ACAD10: variants seen among roughly 807,000 people sequenced by gnomAD.
ACAD10 encodes the protein ACAD-10.
ACAD10 carries 112 observed loss-of-function variants against 116.8 expected under a neutral mutation model. That is an observed-to-expected ratio of 0.96 (90% CI 0.82 to 1.12). ACAD10 has a LOEUF of 1.12. Among genes scored for constraint, ACAD10 ranks in the 50% most tolerant of loss-of-function variants. The probability of loss-of-function intolerance (pLI) is 0.00; values close to 1 mark genes in which losing one functional copy is unlikely to be tolerated. For synonymous variants in ACAD10, 486 were observed against 510.6 expected, an observed-to-expected ratio of 0.95 and a Z score of 0.65; for missense variants, 1,259 against 1,350.2, an observed-to-expected ratio of 0.93 and a Z score of 1.06.
rs773702363 is a variant in ACAD10, at chr12:111,736,895, C to G, written c.1605C>G (p.Tyr535Ter). The G allele has an allele frequency of 6.2e-6, 10 of 1,614,056 alleles. No individual in the cohort carries two copies. In the Admixed American group the frequency reaches 8.3e-5, roughly 13 times the overall value. Residue 535 changes from tyrosine to a stop codon, truncating the protein, a stop_gained, in exon 12 of 21, where the codon TAC (tyrosine) becomes TAG (stop). Coordinates refer to ENST00000313698, the MANE Select transcript of ACAD10 (RefSeq NM_025247.6). LOFTEE classifies it high-confidence loss of function. Reference protein sequence around the residue: ...IPAAEEYFRMYCLQMGLPPTE... With the variant: ...IPAAEEYFRM The stretch of plus-strand genomic sequence containing the variant: ...CTGCAGAGGAGTATTTCAGGATGTA[C>G]TGTCTCCAAATGGGGCTCCCTCCCA...
chr12:111,727,919 A>T, intron 8 of ACAD10, 43 bp from the exon 9 acceptor site: 1 of 1,560,306 alleles, frequency 6.4e-7, no homozygotes, highest in Non-Finnish European at 8.7e-7. Flanking sequence ...AGCCTGCCAC[A>T]TTATGACTCT....
intron 10 of ACAD10, 150 bp downstream of exon 10, chr12:111,730,106 A>C: frequency 7.7e-6 from 9 of 1,169,070 alleles, no homozygotes; most frequent in Non-Finnish European, 1.1e-5. Context: ...AGGGTTTCTC[A>C]GCTCTGGCAC....
At chr12:111,706,740 C>T (rs1314630624) in intron 4 of ACAD10, among the ~76,000 whole-genome samples, 1 of 147,908 alleles carries the variant, frequency 6.8e-6, no homozygotes, top group Non-Finnish European at 1.5e-5. Flanking sequence ...TATGAGCCAC[C>T]GTGCCTGGCC....
At chr12:111,727,768 C>CATTG (rs1473613642) in intron 8 of ACAD10, among the ~76,000 whole-genome samples, 194 bp from the exon 9 acceptor site, 1 of 151,964 alleles carries the variant, frequency 6.6e-6, no homozygotes, top group Admixed American at 6.6e-5. Context: ...TGGATCGATC[C>CATTG]ATTGCAAGAG....
chr12:111,709,045 C>CAA (rs201551045), intron 4 of ACAD10, among the ~76,000 whole-genome samples: 4 of 126,328 alleles, frequency 3.2e-5, no homozygotes, highest in East Asian at 2.2e-4. Context: ...CTTCTTTCTG[C>CAA]AAAAAAAAAA....
At chr12:111,753,688 C>G in intron 18 of ACAD10, 84 bp from the exon 19 acceptor site, 2 of 1,590,294 alleles carry the variant, frequency 1.3e-6, no homozygotes, top group Non-Finnish European at 1.7e-6. Context: ...TGCTTCCACC[C>G]AGCTCTGCAG....
chr12:111,753,165 A>G, intron 18 of ACAD10: 1 of 201,442 alleles, frequency 5.0e-6, no homozygotes, highest in Non-Finnish European at 1.0e-5. Context: ...TAAAAAAAAG[A>G]AGGAAAAAGA....
intron 12 of ACAD10, among the ~76,000 whole-genome samples, chr12:111,741,590 C>T (rs1889744043): frequency 6.6e-6 from 1 of 152,190 alleles, no homozygotes; most frequent in African/African-American, 2.4e-5. Flanking sequence ...CTTTATTCCT[C>T]TTATCTTACT....
intron 9 of ACAD10, 146 bp from the exon 10 acceptor site, chr12:111,729,660 A>C: frequency 2.1e-6 from 2 of 953,710 alleles, no homozygotes; most frequent in South Asian, 3.6e-5. Context: ...TCATGTGGGA[A>C]ATTCTCCAGT....
At chr12:111,755,390 A>C (rs7971799) in intron 19 of ACAD10, among the ~76,000 whole-genome samples, 2,334 of 151,994 alleles carry the variant, frequency 0.015, 70 homozygotes, top group African/African-American at 0.053. Context: ...ACAGGCCTGA[A>C]CCACCGCGCC....
At chr12:111,747,232 C>T (rs375978316) in intron 15 of ACAD10, 46 bp downstream of exon 15, 108 of 1,609,584 alleles carry the variant, frequency 6.7e-5, no homozygotes, top group South Asian at 1.1e-4. Context: ...CTGTTGTTGT[C>T]GGCCCCACAG....
At chr12:111,727,909 A>T in intron 8 of ACAD10, 53 bp from the exon 9 acceptor site, 2 of 1,532,976 alleles carry the variant, frequency 1.3e-6, no homozygotes, top group Non-Finnish European at 1.8e-6. Context: ...CATGACTAAC[A>T]GCCTGCCACA....
chr12:111,712,794 G>A, intron 6 of ACAD10, 137 bp downstream of exon 6: 1 of 969,580 alleles, frequency 1.0e-6, no homozygotes. Context: ...TGGGCCTGGT[G>A]CATCGGAGCA....
chr12:111,743,373 T>G (rs1228461082), intron 12 of ACAD10, among the ~76,000 whole-genome samples: 6 of 151,700 alleles, frequency 4.0e-5, no homozygotes, highest in African/African-American at 1.5e-4. Flanking sequence ...TATTCTGTTT[T>G]TTTTTTTTTT....
chr12:111,737,841 GGT>G lies in ACAD10; in HGVS notation c.1714+864_1714+865del, dbSNP rs150399090. 1.9e-3 allele frequency among the ~76,000 whole-genome samples: 274 copies of G among 145,330 alleles called. 1 individual carries two copies. The highest frequency in any genetic ancestry group is 0.015 in the East Asian group (75 of 5,000). On this transcript the variant is annotated intron_variant, in intron 12 of 20. Coordinates refer to ENST00000313698, the MANE Select transcript of ACAD10 (RefSeq NM_025247.6). The stretch of plus-strand genomic sequence containing the variant: ...AACAACTATATGAGGCAAATTTCTT[GGT>G]GTGTGTGTGTGTGTGTGTGTGTGTG...
chr12:111,752,795 A>C (rs1015583003), intron 18 of ACAD10: 2 of 150,934 alleles, frequency 1.3e-5, no homozygotes, highest in African/African-American at 2.4e-5. Context: ...GAAAACAGGT[A>C]GTTTTTCTGC....
chr12:111,737,742 T>C (rs1012921326), intron 12 of ACAD10, among the ~76,000 whole-genome samples: 2 of 152,172 alleles, frequency 1.3e-5, no homozygotes, highest in African/African-American at 4.8e-5. Context: ...ATGTGTATTT[T>C]TCGGTACTTT....
intron 1 of ACAD10, among the ~76,000 whole-genome samples, chr12:111,687,535 G>A (rs1887905261): frequency 6.6e-6 from 1 of 152,090 alleles, no homozygotes; most frequent in Non-Finnish European, 1.5e-5. Flanking sequence ...AAGAATCACA[G>A]GGTTATGTGA....
At position 111,702,292 on chromosome 12, in the gene ACAD10, G is replaced by A; in HGVS notation, c.318G>A (p.Gly106=). The stretch of plus-strand genomic sequence containing the variant: ...CAGAGGGTTTTTTACGAGAATTTGG[G>A]AGACTTTGCTCTGAAATGGTGAGTG... The part of the protein sequence containing the change: ...ITAEGFLREF[G]RLCSEMLKTS... The change falls in exon 3 of 21, where the codon GGG becomes GGA. Residue 106 remains glycine (G), a synonymous_variant. Transcript: ENST00000313698. 1 of 1,614,120 alleles carries A rather than the reference G, an allele frequency of 6.2e-7. No homozygotes were observed. The highest frequency in any genetic ancestry group is 1.3e-5 in the African/African-American group (1 of 75,030).
Sources: allele counts gnomAD v4.1 joint callset (sites outside exome capture counted in the v4.1 genomes callset), GRCh38; gene constraint gnomAD v4.1.1; transcripts MANE v1.5; gene names NCBI Gene and HGNC (gene_info 2026-07-23, HGNC 2026-07-21).